CAMTA1: variants seen among roughly 807,000 people sequenced by gnomAD.
CAMTA1 encodes calmodulin binding transcription activator 1, also known as calmodulin-binding transcription activator 1.
Under a neutral mutation model 170.9 loss-of-function variants are expected in CAMTA1, and 27 were observed. That is an observed-to-expected ratio of 0.16 (90% CI 0.12 to 0.22). CAMTA1 has a LOEUF of 0.22. Among genes scored for constraint, CAMTA1 ranks in the 10% least tolerant of loss-of-function variants. The pLI is 1.00. For missense variants in CAMTA1, 1,619 were observed against 2,217.2 expected (o/e 0.73, Z 5.42); for synonymous variants, 833 against 891.5 (o/e 0.93, Z 1.17).
intron 5 of CAMTA1, among the ~76,000 whole-genome samples, chr1:7,391,283 T>C (rs845223): frequency 0.93 from 141,613 of 152,052 alleles, 66,007 homozygotes; most frequent in East Asian, 1. Context: ...AGGCATGAGC[T>C]ACCACACCCG....
intron 4 of CAMTA1, among the ~76,000 whole-genome samples, chr1:7,188,272 A>G (rs1653845430): frequency 6.6e-6 from 1 of 152,214 alleles, no homozygotes; most frequent in South Asian, 2.1e-4. Flanking sequence ...TCAGGGCCCA[A>G]ACAAACCATT....
chr1:6,912,460 A>G (rs965142592), intron 3 of CAMTA1, among the ~76,000 whole-genome samples: 17 of 152,086 alleles, frequency 1.1e-4, no homozygotes, highest in African/African-American at 4.1e-4. Flanking sequence ...CCTGGGGACC[A>G]CTCTATCCTC....
intron 3 of CAMTA1, among the ~76,000 whole-genome samples, chr1:6,920,886 C>T (rs993541077): frequency 1.2e-4 from 18 of 152,312 alleles, no homozygotes; most frequent in East Asian, 9.7e-4. Context: ...GCCCAGCCCA[C>T]GAAACCATTT....
At chr1:7,720,972 G>A (rs942526127) in intron 11 of CAMTA1, among the ~76,000 whole-genome samples, 3 of 152,184 alleles carry the variant, frequency 2.0e-5, no homozygotes, top group African/African-American at 7.2e-5. Flanking sequence ...GACTGCACCT[G>A]GGGAGCGGAG....
intron 5 of CAMTA1, among the ~76,000 whole-genome samples, chr1:7,458,157 A>G (rs1424811370): frequency 6.6e-6 from 1 of 152,098 alleles, no homozygotes; most frequent in African/African-American, 2.4e-5. Context: ...CTCCATCTCA[A>G]AGGAACCAAC....
intron 5 of CAMTA1, among the ~76,000 whole-genome samples, chr1:7,334,347 G>A (rs551861313): frequency 4.6e-5 from 7 of 152,276 alleles, no homozygotes; most frequent in South Asian, 2.1e-4. Flanking sequence ...CAACATTTTC[G>A]GGACAGTTTT....
intron 6 of CAMTA1, among the ~76,000 whole-genome samples, chr1:7,533,523 G>A (rs114556747): frequency 2.9e-4 from 44 of 152,352 alleles, no homozygotes; most frequent in African/African-American, 1.0e-3. Flanking sequence ...CAGGAAGCAC[G>A]GAGTCACATC....
chr1:7,241,948 A>T (rs1664930431), intron 4 of CAMTA1, among the ~76,000 whole-genome samples: 1 of 152,112 alleles, frequency 6.6e-6, no homozygotes, highest in African/African-American at 2.4e-5. Context: ...GATAAATTGG[A>T]ACTTACCAAA....
chr1:7,334,822 C>A lies in CAMTA1; in HGVS notation c.438+85196C>A, dbSNP rs527771870. ...AAGCCCAGCAGAATCTGAGAGCCAG[C>A]TCTGCCAAGCCATAAAACCAACTGT... On this transcript the variant is annotated intron_variant, in intron 5 of 22. Transcript: ENST00000303635. 6.6e-5 allele frequency among the ~76,000 whole-genome samples: 10 copies of A among 152,316 alleles called. No homozygotes were observed. In the South Asian group the frequency reaches 2.1e-3, roughly 32 times the overall value.
rs1036734971 is a variant in CAMTA1 at position 7,041,449 on chromosome 1, C to T, written c.235-49855C>T. On this transcript the variant is annotated intron_variant, in intron 3 of 22. Coordinates refer to ENST00000303635, the MANE Select transcript of CAMTA1 (RefSeq NM_015215.4). The surrounding 1 kb of genome is among the most constrained non-coding windows in gnomAD (Gnocchi z 5.1). Reference sequence around the variant, plus strand: ...ACATTTACAGTTTTAAGTGAAATTCCTGTTGAGAGTCTCTTAAGCTAGATT... The same window carrying T: ...ACATTTACAGTTTTAAGTGAAATTCTTGTTGAGAGTCTCTTAAGCTAGATT... 6.6e-6 allele frequency among the ~76,000 whole-genome samples: 1 copy of T among 152,198 alleles called. No individual in the cohort carries two copies. The highest frequency in any genetic ancestry group is 2.4e-5 in the African/African-American group (1 of 41,444).
chr1:6,873,504 G>A (rs1385552247), intron 3 of CAMTA1, among the ~76,000 whole-genome samples: 1 of 152,188 alleles, frequency 6.6e-6, no homozygotes, highest in African/African-American at 2.4e-5. Flanking sequence ...TGAGCTGGTT[G>A]ATGGTCCCCA....
Position 7,736,484 on chromosome 1 carries a change from C to G in CAMTA1, c.3207C>G (p.Leu1069=). The part of the protein sequence containing the change: ...HSKTFRGMTL[L]HLAAAQGYAT... ...AGACTTTCCGCGGAATGACCCTACT[C>G]CACCTGGCCGCTGCCCAGGGCTATG... Residue 1069 remains leucine, a synonymous_variant, in exon 13 of 23, where the codon CTC becomes CTG. Coordinates refer to ENST00000303635, the MANE Select transcript of CAMTA1 (RefSeq NM_015215.4). This position sits in a 1 kb window ranked among gnomAD's most constrained non-coding sequence, Gnocchi z 4.5. 6.2e-7 allele frequency: 1 copy of G among 1,614,154 alleles called. No individual in the cohort carries two copies. The highest frequency in any genetic ancestry group is 1.1e-5 in the South Asian group (1 of 91,076).
intron 5 of CAMTA1, among the ~76,000 whole-genome samples, chr1:7,414,218 CT>C (rs1018022218): frequency 6.6e-6 from 1 of 152,060 alleles, no homozygotes; most frequent in African/African-American, 2.4e-5. Flanking sequence ...CTAAAATTCT[CT>C]TTTTTTGGTT....
intron 4 of CAMTA1, among the ~76,000 whole-genome samples, chr1:7,147,482 A>G (rs1423896063): frequency 6.6e-6 from 1 of 151,786 alleles, no homozygotes; most frequent in African/African-American, 2.4e-5. Context: ...TATACCATGC[A>G]CACACAAACA....
At chr1:7,583,661 TG>T (rs968147307) in intron 6 of CAMTA1, among the ~76,000 whole-genome samples, 1 of 152,120 alleles carries the variant, frequency 6.6e-6, no homozygotes, top group Non-Finnish European at 1.5e-5. Context: ...CTGCCGCCTC[TG>T]GGGGGCAGTG....
chr1:6,886,992 C>T (rs1270675214), intron 3 of CAMTA1, among the ~76,000 whole-genome samples: 1 of 152,050 alleles, frequency 6.6e-6, no homozygotes, highest in African/African-American at 2.4e-5. Flanking sequence ...TGAAACTGGC[C>T]CAGGAAGTAA....
chr1:7,677,191 A>C (rs2096129983), intron 10 of CAMTA1, among the ~76,000 whole-genome samples: 1 of 152,184 alleles, frequency 6.6e-6, no homozygotes, highest in South Asian at 2.1e-4. Context: ...AATAAGCGCA[A>C]ATAAATCCAA....
chr1:7,197,927 A>AGCTCATTGTC (rs1655872696), intron 4 of CAMTA1, among the ~76,000 whole-genome samples: 1 of 151,852 alleles, frequency 6.6e-6, no homozygotes, highest in African/African-American at 2.4e-5. Context: ...GTGGGGAGAC[A>AGCTCATTGTC]GCTCATTGTC....
rs373857851 is a variant in CAMTA1 at position 6,918,346 on chromosome 1, A to G, written c.234+93136A>G. On this transcript the variant is annotated intron_variant, in intron 3 of 22. Transcript: ENST00000303635. The surrounding 1 kb of genome is among the most constrained non-coding windows in gnomAD (Gnocchi z 4.0). Reference sequence around the variant, plus strand: ...CAGGCCACATTTGTCCTGGGAGCCAATGAGCAGACAGAGTTTGGGTAATCT... The same window carrying G: ...CAGGCCACATTTGTCCTGGGAGCCAGTGAGCAGACAGAGTTTGGGTAATCT... Among the ~76,000 whole-genome samples the G allele has an allele frequency of 6.6e-6, 1 of 152,332 alleles. No individual in the cohort carries two copies. The highest frequency in any genetic ancestry group is 3.4e-3 in the Middle Eastern group (1 of 294).
Sources: gnomAD v4.1 joint callset for allele counts (sites outside exome capture counted in the v4.1 genomes callset) on GRCh38, gnomAD v4.1.1 for gene constraint, Gnocchi (gnomAD v3.1) non-coding constraint, MANE v1.5 for transcripts, NCBI Gene and HGNC (gene_info 2026-07-23, HGNC 2026-07-21) for gene names.